Variants in DEF6 observed in about 807,000 individuals in gnomAD.
DEF6 encodes DEF6 guanine nucleotide exchange factor.
Under a neutral mutation model 80.5 loss-of-function variants are expected in DEF6, and 32 were observed. The ratio of observed to expected loss-of-function variants is 0.40; its 90% CI spans 0.30 to 0.53. The LOEUF (loss-of-function observed/expected upper bound fraction) is 0.53. DEF6 is among the 20% of genes least tolerant of loss of function. The pLI is 0.57. For synonymous variants in DEF6, 300 were observed against 337.9 expected, an observed-to-expected ratio of 0.89 and a Z score of 1.23; for missense variants, 575 against 818.7, an observed-to-expected ratio of 0.70 and a Z score of 3.63.
intron 1 of DEF6, among the ~76,000 whole-genome samples, chr6:35,307,887 G>T (rs1466917981): frequency 6.6e-6 from 1 of 152,212 alleles, no homozygotes; most frequent in African/African-American, 2.4e-5. Context: ...CTCCGAGACA[G>T]TGCTAGCTCC....
chr6:35,303,072 C>T (rs1267850321), intron 1 of DEF6, among the ~76,000 whole-genome samples: 1 of 152,172 alleles, frequency 6.6e-6, no homozygotes, highest in African/African-American at 2.4e-5. Context: ...CAACCCCTAC[C>T]GCACCCAGGC....
At chr6:35,305,085 C>G (rs1791371722) in intron 1 of DEF6, among the ~76,000 whole-genome samples, 1 of 144,284 alleles carries the variant, frequency 6.9e-6, no homozygotes, top group African/African-American at 2.5e-5. Flanking sequence ...ATTGGGATTA[C>G]AGGTATGAGC....
chr6:35,319,933 A>G lies in DEF6; in HGVS notation c.1497A>G (p.Ala499=). Residue 499 remains alanine, a synonymous_variant, in exon 9 of 11, where the codon GCA becomes GCG. Coordinates refer to ENST00000316637, the MANE Select transcript of DEF6 (RefSeq NM_022047.4). The surrounding 1 kb of genome is among the most constrained non-coding windows in gnomAD (Gnocchi z 4.5). ...AGGAAGAGCTGCAGCAGGAGATGGC[A>G]CAGCAGAGCCGCTCCCTGCAGCAGG... ...QEKEELQQEM[A]QQSRSLQQAQ... The G allele has an allele frequency of 6.4e-7, 1 of 1,569,176 alleles. No individual in the cohort carries two copies. Among genetic ancestry groups the G allele is most frequent in the African/African-American group, 1.3e-5 (1 of 74,384 alleles).
Position 35,317,882 on chromosome 6 carries a change from C to G in DEF6, c.808-9C>G, listed in dbSNP as rs1791540336. On this transcript the variant is annotated splice_polypyrimidine_tract_variant and intron_variant, in intron 5 of 10. Transcript: ENST00000316637. ...GCCAGCCTGGCTGCGGCCACCTACCCTGTGCCAGGTGCTGCCAGACCGCGA... is the reference window on the plus strand; with the variant it reads ...GCCAGCCTGGCTGCGGCCACCTACCGTGTGCCAGGTGCTGCCAGACCGCGA... The G allele has an allele frequency of 1.2e-6, 2 of 1,611,728 alleles. No individual in the cohort carries two copies. Among genetic ancestry groups the G allele is most frequent in the East Asian group, 4.5e-5 (2 of 44,802 alleles).
intron 5 of DEF6, among the ~76,000 whole-genome samples, chr6:35,313,984 A>G (rs1192342154): frequency 6.6e-6 from 1 of 152,178 alleles, no homozygotes; most frequent in Non-Finnish European, 1.5e-5. Context: ...AGATCATATG[A>G]TAGTTCTATT....
chr6:35,314,550 C>T (rs924997047), intron 5 of DEF6, among the ~76,000 whole-genome samples: 23 of 151,804 alleles, frequency 1.5e-4, no homozygotes, highest in African/African-American at 5.3e-4. Flanking sequence ...TCTCTGTTGA[C>T]CATTTGTATG....
intron 1 of DEF6, 63 bp downstream of exon 1, chr6:35,298,015 G>T: frequency 7.1e-7 from 1 of 1,413,426 alleles, no homozygotes; most frequent in East Asian, 2.5e-5. Flanking sequence ...CTGCCGCCTG[G>T]GAGCCAGGTG....
intron 2 of DEF6, 89 bp downstream of exon 2, chr6:35,309,899 C>T (rs1390211737): frequency 8.8e-6 from 13 of 1,481,598 alleles, no homozygotes; most frequent in Admixed American, 3.8e-5. Context: ...TCCAACTCTT[C>T]GCCCCTGCCA....
chr6:35,306,836 T>C (rs1279006711), intron 1 of DEF6, among the ~76,000 whole-genome samples: 1 of 152,224 alleles, frequency 6.6e-6, no homozygotes, highest in Non-Finnish European at 1.5e-5. Flanking sequence ...ATGCACCAGG[T>C]ACTCTTCACT....
rs752391780 is a variant in DEF6, at chr6:35,312,802, C to G, written c.807+30C>G. 101 of 1,600,136 alleles carry G rather than the reference C, an allele frequency of 6.3e-5. No homozygotes were observed. The highest frequency in any genetic ancestry group is 8.2e-5 in the Non-Finnish European group (96 of 1,173,166). ...GGGGCAGGATGGGGGTGGAGGACAT[C>G]TCAGGGCCCAGAGTGTCCTCAGGGG... On this transcript the variant is annotated intron_variant, in intron 5 of 10. Coordinates refer to ENST00000316637, the MANE Select transcript of DEF6 (RefSeq NM_022047.4). The surrounding 1 kb of genome is among the most constrained non-coding windows in gnomAD (Gnocchi z 6.6).
intron 1 of DEF6, among the ~76,000 whole-genome samples, chr6:35,300,475 C>CAAA (rs1791299577): frequency 6.6e-6 from 1 of 152,156 alleles, no homozygotes; most frequent in Non-Finnish European, 1.5e-5. Flanking sequence ...CTGTCCTGGG[C>CAAA]AAACCCACGA....
chr6:35,308,736 T>TAAATAAAATAATAA (rs1396323813), intron 1 of DEF6, among the ~76,000 whole-genome samples: 6 of 141,886 alleles, frequency 4.2e-5, no homozygotes, highest in African/African-American at 8.1e-5. Context: ...ATAAATAAAA[T>TAAATAAAATAATAA]AATAAAATAA....
Position 35,309,708 on chromosome 6 carries a change from C to T in DEF6, c.135C>T (p.Pro45=), listed in dbSNP as rs2150386732. The T allele has an allele frequency of 6.2e-7, 1 of 1,614,026 alleles. No homozygotes were observed. Among genetic ancestry groups the T allele is most frequent in the Non-Finnish European group, 8.5e-7 (1 of 1,179,996 alleles). The change falls in exon 2 of 11, where the codon CCC becomes CCT. Residue 45 remains proline (P), a synonymous_variant. Transcript: ENST00000316637. ...SHNLYTVLHI[P]HDPVALEEHF... is the part of the protein sequence containing the mutation. ...ACCTGTACACGGTCCTGCACATCCC[C>T]CATGACCCCGTGGCCCTGGAGGAAC... is the stretch of plus-strand genomic sequence containing the variant.
intron 1 of DEF6, among the ~76,000 whole-genome samples, chr6:35,307,876 T>TCTCCGAGACAGTGCTAG (rs1443137654): frequency 6.6e-6 from 1 of 152,136 alleles, no homozygotes; most frequent in African/African-American, 2.4e-5. Context: ...ACACACACCA[T>TCTCCGAGACAGTGCTAG]CTCCGAGACA....
chr6:35,315,102 G>A (rs1451162508), intron 5 of DEF6, among the ~76,000 whole-genome samples: 2 of 152,188 alleles, frequency 1.3e-5, no homozygotes, highest in African/African-American at 2.4e-5. Context: ...TTATATCTAG[G>A]TTATCTATTC....
chr6:35,313,612 C>T lies in DEF6; in HGVS notation c.807+840C>T, dbSNP rs139862184. Among the ~76,000 whole-genome samples the T allele has an allele frequency of 9.8e-5, 15 of 152,298 alleles. No individual in the cohort carries two copies. In the East Asian group the frequency reaches 2.3e-3, roughly 23 times the overall value. The stretch of plus-strand genomic sequence containing the variant: ...TCATCAACCTCTCTTTGTCCTCCCC[C>T]CACACTTCCTGGCCTCTGGTACCAC... On this transcript the variant is annotated intron_variant, in intron 5 of 10. Coordinates refer to ENST00000316637, the MANE Select transcript of DEF6 (RefSeq NM_022047.4).
intron 1 of DEF6, among the ~76,000 whole-genome samples, chr6:35,305,592 C>CA (rs1448090054): frequency 1.3e-5 from 2 of 151,382 alleles, no homozygotes; most frequent in East Asian, 1.9e-4. Context: ...GTGTGTGTGA[C>CA]AGAGTCTCAC....
chr6:35,318,010 G>A lies in DEF6; in HGVS notation c.916+11G>A, dbSNP rs749875182. 2 of 1,608,950 alleles carry A rather than the reference G, an allele frequency of 1.2e-6. No homozygotes were observed. Among genetic ancestry groups the A allele is most frequent in the Non-Finnish European group, 1.7e-6 (2 of 1,177,616 alleles). On this transcript the variant is annotated intron_variant, in intron 6 of 10. Transcript: ENST00000316637. This position sits in a 1 kb window ranked among gnomAD's most constrained non-coding sequence, Gnocchi z 5.1. ...AGGAGTGGACAGCTGGTGAGTGCTC[G>A]CTAGGTGGCTTGGGTCTGGGTGGTC...
intron 1 of DEF6, among the ~76,000 whole-genome samples, chr6:35,305,678 A>T (rs1262952464): frequency 6.6e-6 from 1 of 151,710 alleles, no homozygotes; most frequent in Non-Finnish European, 1.5e-5. Flanking sequence ...GGTTCAAGCA[A>T]TTCTCCTGCC....
Sources: allele counts gnomAD v4.1 joint callset (sites outside exome capture counted in the v4.1 genomes callset), GRCh38; gene constraint gnomAD v4.1.1; non-coding constraint Gnocchi (gnomAD v3.1); transcripts MANE v1.5; gene names NCBI Gene and HGNC (gene_info 2026-07-23, HGNC 2026-07-21).